Variants in PTPN4 observed in about 807,000 individuals in gnomAD.
PTPN4 encodes protein tyrosine phosphatase non-receptor type 4.
Under a neutral mutation model 135.5 loss-of-function variants are expected in PTPN4, and 49 were observed. That is an observed-to-expected ratio of 0.36 (90% CI 0.29 to 0.46). The LOEUF is 0.46. Among genes scored for constraint, PTPN4 ranks in the 20% least tolerant of loss-of-function variants. The probability of loss-of-function intolerance (pLI) is 1.00; values close to 1 mark genes in which losing one functional copy is unlikely to be tolerated. For missense variants in PTPN4, 860 were observed against 1,101.0 expected, an observed-to-expected ratio of 0.78 and a Z score of 3.10; for synonymous variants, 333 against 369.9, an observed-to-expected ratio of 0.90 and a Z score of 1.14.
intron 19 of PTPN4, among the ~76,000 whole-genome samples, chr2:119,953,814 C>T (rs1224668015): frequency 6.6e-6 from 1 of 152,086 alleles, no homozygotes; most frequent in African/African-American, 2.4e-5. Context: ...GTTACCTGCT[C>T]ACAGATTCAT....
intron 1 of PTPN4, among the ~76,000 whole-genome samples, chr2:119,785,243 T>C (rs901164145): frequency 3.3e-5 from 5 of 152,198 alleles, no homozygotes; most frequent in Non-Finnish European, 2.9e-5. Context: ...ACATTCGTGT[T>C]TCTCAAAGAT....
intron 10 of PTPN4, among the ~76,000 whole-genome samples, chr2:119,914,638 TGTCTTAAA>T (rs1402990613): frequency 6.6e-6 from 1 of 152,160 alleles, no homozygotes; most frequent in Non-Finnish European, 1.5e-5. Context: ...ATTACCCTTA[TGTCTTAAA>T]GTTTACAAAG....
chr2:119,877,211 T>C, intron 3 of PTPN4, 112 bp from the exon 4 acceptor site: 1 of 1,212,558 alleles, frequency 8.2e-7, no homozygotes, highest in Non-Finnish European at 1.1e-6. Flanking sequence ...TACCTGGGCC[T>C]TTTCTGAAAT....
intron 1 of PTPN4, among the ~76,000 whole-genome samples, chr2:119,793,797 GCTT>G (rs1691197709): frequency 1.5e-5 from 2 of 130,972 alleles, no homozygotes; most frequent in African/African-American, 5.8e-5. Flanking sequence ...TGTATATTTT[GCTT>G]CTTAGGTGGT....
chr2:119,896,208 A>AT (rs201118608), intron 9 of PTPN4, among the ~76,000 whole-genome samples: 68 of 151,894 alleles, frequency 4.5e-4, no homozygotes, highest in Non-Finnish European at 7.7e-4. Context: ...CCTACATAGT[A>AT]TTTTTTTTTA....
In PTPN4 at chr2:119,879,031, G is replaced by T. The variant is rs867626484; in HGVS notation, c.368+1489G>T. On this transcript the variant is annotated intron_variant, in intron 5 of 26. Coordinates refer to ENST00000263708, the MANE Select transcript of PTPN4 (RefSeq NM_002830.4). ...TGGCATGAACCCGGGAGGCAGAGCT[G>T]GCAGTGAGCCGAGATCACGCCACTG... Among the ~76,000 whole-genome samples the T allele has an allele frequency of 3.3e-4, 50 of 151,144 alleles. No individual in the cohort carries two copies. The Middle Eastern group carries it at 0.01, about 31-fold the overall frequency.
intron 1 of PTPN4, among the ~76,000 whole-genome samples, chr2:119,782,952 C>T (rs1301623653): frequency 1.3e-5 from 2 of 150,974 alleles, no homozygotes; most frequent in African/African-American, 4.9e-5. Context: ...AAGGGATCCT[C>T]CTGCCTTGGT....
At chr2:119,844,339 C>T (rs1346056942) in intron 2 of PTPN4, among the ~76,000 whole-genome samples, 10 of 57,030 alleles carry the variant, frequency 1.8e-4, no homozygotes, top group African/African-American at 7.5e-4. Flanking sequence ...GCTGGCCGGG[C>T]GGGGGGCTGA....
intron 8 of PTPN4, among the ~76,000 whole-genome samples, chr2:119,884,742 T>C (rs996305493): frequency 2.0e-5 from 3 of 152,210 alleles, no homozygotes; most frequent in Non-Finnish European, 2.9e-5. Flanking sequence ...AAAACAGAAG[T>C]ATCCACTTTA....
At chr2:119,827,593 A>G (rs1260069957) in intron 2 of PTPN4, among the ~76,000 whole-genome samples, 5 of 152,224 alleles carry the variant, frequency 3.3e-5, no homozygotes, top group Non-Finnish European at 7.3e-5. Flanking sequence ...TAAATGTAAG[A>G]CAAGAATTTA....
At chr2:119,800,190 T>C (rs1691336887) in intron 1 of PTPN4, among the ~76,000 whole-genome samples, 2 of 152,202 alleles carry the variant, frequency 1.3e-5, no homozygotes, top group South Asian at 4.1e-4. Flanking sequence ...TGTAGTAAGA[T>C]ATTTGAATTG....
At chr2:119,954,645 T>G (rs1679255621) in intron 19 of PTPN4, among the ~76,000 whole-genome samples, 1 of 152,220 alleles carries the variant, frequency 6.6e-6, no homozygotes, top group Non-Finnish European at 1.5e-5. Context: ...ATCTAGGGTC[T>G]GAATCTCCTC....
At chr2:119,839,702 A>G (rs1480577580) in intron 2 of PTPN4, among the ~76,000 whole-genome samples, 1 of 152,236 alleles carries the variant, frequency 6.6e-6, no homozygotes, top group Non-Finnish European at 1.5e-5. Context: ...AAGATACTTC[A>G]GTGCTTAGGT....
intron 12 of PTPN4, among the ~76,000 whole-genome samples, chr2:119,925,194 A>T (rs1678803894): frequency 1.3e-5 from 2 of 152,076 alleles, no homozygotes; most frequent in African/African-American, 4.8e-5. Context: ...ATGACTATTA[A>T]AGCAGCTGCC....
intron 11 of PTPN4, among the ~76,000 whole-genome samples, chr2:119,919,823 CAAAAAAAAAAA>C (rs768606079): frequency 1.5e-5 from 1 of 64,760 alleles, no homozygotes; most frequent in Admixed American, 1.6e-4. Context: ...GACTGTGTCT[CAAAAAAAAAAA>C]AAAAAAAAAA....
At chr2:119,922,610 G>A (rs1263092609) in intron 12 of PTPN4, among the ~76,000 whole-genome samples, 1 of 152,042 alleles carries the variant, frequency 6.6e-6, no homozygotes, top group Non-Finnish European at 1.5e-5. Context: ...TTGCATATGT[G>A]TTTATGAGGG....
chr2:119,899,481 A>G (rs967605182), intron 9 of PTPN4, among the ~76,000 whole-genome samples: 3 of 152,068 alleles, frequency 2.0e-5, no homozygotes, highest in Non-Finnish European at 4.4e-5. Context: ...TTACCACTTT[A>G]TATCTTTAAG....
chr2:119,836,278 C>T (rs1431259280), intron 2 of PTPN4, among the ~76,000 whole-genome samples: 1 of 152,220 alleles, frequency 6.6e-6, no homozygotes, highest in Admixed American at 6.5e-5. Context: ...TTAGACTTTT[C>T]TTCCTCAGTA....
rs562782259 is a variant in PTPN4, at chr2:119,879,035, G to A, written c.368+1493G>A. On this transcript the variant is annotated intron_variant, in intron 5 of 26. Transcript: ENST00000263708. ...ATGAACCCGGGAGGCAGAGCTGGCA[G>A]TGAGCCGAGATCACGCCACTGCACT... Among the ~76,000 whole-genome samples, 42 of 151,034 alleles carry A rather than the reference G, an allele frequency of 2.8e-4. No individual in the cohort carries two copies. In the South Asian group the frequency reaches 8.8e-3, roughly 32 times the overall value.
Sources: allele counts gnomAD v4.1 joint callset (sites outside exome capture counted in the v4.1 genomes callset), GRCh38; gene constraint gnomAD v4.1.1; transcripts MANE v1.5; gene names NCBI Gene and HGNC (gene_info 2026-07-23, HGNC 2026-07-21).